Variants in PHTF2 observed in about 807,000 individuals in gnomAD.
PHTF2 encodes the protein protein PHTF2.
Under a neutral mutation model 101.2 loss-of-function variants are expected in PHTF2, and 60 were observed. The ratio of observed to expected loss-of-function variants is 0.59; its 90% CI spans 0.48 to 0.73. The LOEUF (loss-of-function observed/expected upper bound fraction) is 0.73, where lower values mean the gene tolerates loss of function less well. Ranked by LOEUF, PHTF2 falls within the 30% of genes least tolerant of loss-of-function variation. The probability of loss-of-function intolerance (pLI) is 0.00; values close to 1 mark genes in which losing one functional copy is unlikely to be tolerated. For missense variants in PHTF2, 747 were observed against 908.7 expected, an observed-to-expected ratio of 0.82 and a Z score of 2.29; for synonymous variants, 311 against 307.3, an observed-to-expected ratio of 1.01 and a Z score of -0.13.
intron 1 of PHTF2, among the ~76,000 whole-genome samples, chr7:77,811,157 C>A (rs2150487493): frequency 1.3e-5 from 2 of 152,370 alleles, no homozygotes; most frequent in African/African-American, 4.8e-5. Flanking sequence ...CTGCCTCAGC[C>A]TCCCAAAGTG....
At chr7:77,854,306 GTC>G (rs1404636226) in intron 2 of PHTF2, among the ~76,000 whole-genome samples, 3 of 152,278 alleles carry the variant, frequency 2.0e-5, no homozygotes, top group South Asian at 4.1e-4. Context: ...AACAAATGGA[GTC>G]TCTCTGTCTG....
intron 1 of PHTF2, 151 bp from the exon 2 acceptor site, chr7:77,840,070 T>C: frequency 2.4e-6 from 1 of 408,664 alleles, no homozygotes; most frequent in Non-Finnish European, 4.4e-6. Flanking sequence ...GAGAACCTGT[T>C]GCTAAAATAG....
intron 7 of PHTF2, chr7:77,906,178 G>C (rs1231242664): frequency 6.6e-6 from 1 of 152,176 alleles, no homozygotes; most frequent in Non-Finnish European, 1.5e-5. Flanking sequence ...AGCAGAGATG[G>C]GGTTTCTCCA....
chr7:77,913,678 G>A (rs989211478), intron 9 of PHTF2, among the ~76,000 whole-genome samples: 1 of 151,970 alleles, frequency 6.6e-6, no homozygotes, highest in African/African-American at 2.4e-5. Context: ...CAAACTCGTG[G>A]GCTCAAGCAA....
intron 1 of PHTF2, among the ~76,000 whole-genome samples, chr7:77,833,796 A>G (rs918260967): frequency 2.0e-5 from 3 of 152,220 alleles, no homozygotes; most frequent in African/African-American, 4.8e-5. Context: ...ACTGCACTTC[A>G]GTCTGGGTGA....
chr7:77,817,273 A>G lies in PHTF2; in HGVS notation c.-36+18302A>G, dbSNP rs556639697. On this transcript the variant is annotated intron_variant, in intron 1 of 19. Transcript: ENST00000416283. ...ACAGTAGCCATTTTAAGTTGATGAG[A>G]TGGTATCTCATTATGGTTTTGATTT... Among the ~76,000 whole-genome samples the G allele has an allele frequency of 4.6e-5, 7 of 152,132 alleles. No individual in the cohort carries two copies. In the South Asian group the frequency reaches 1.5e-3, roughly 32 times the overall value.
At position 77,920,597 on chromosome 7, in the gene PHTF2, A is replaced by C. The variant is rs1404213809; in HGVS notation, c.963+132A>C. The C allele has an allele frequency of 2.4e-5, 16 of 664,310 alleles. No individual in the cohort carries two copies. The Middle Eastern group carries it at 1.1e-3, about 44-fold the overall frequency. 41.2% of individuals were successfully genotyped at this position (664,310 alleles called of 1,614,324 possible). On this transcript the variant is annotated intron_variant, in intron 10 of 19. Transcript: ENST00000416283. ...AATTCTGTGAGCGTTTATAACACTG[A>C]TGAAACTGTAAATGAGATAAAGTGT...
chr7:77,857,570 A>G (rs1388852652), intron 3 of PHTF2, among the ~76,000 whole-genome samples: 1 of 152,236 alleles, frequency 6.6e-6, no homozygotes. Context: ...TGAAATATAA[A>G]TCAGCCTGAT....
intron 9 of PHTF2, among the ~76,000 whole-genome samples, chr7:77,911,645 A>G (rs1802408566): frequency 6.6e-6 from 1 of 152,226 alleles, no homozygotes. Context: ...ATCATGCATT[A>G]CAGAACTAAG....
At chr7:77,873,270 G>A (rs1798668569) in intron 3 of PHTF2, among the ~76,000 whole-genome samples, 1 of 152,134 alleles carries the variant, frequency 6.6e-6, no homozygotes, top group Non-Finnish European at 1.5e-5. Flanking sequence ...TAAATGCAGA[G>A]TCCCTACTTA....
chr7:77,824,791 G>T (rs1794577988), intron 1 of PHTF2, among the ~76,000 whole-genome samples: 1 of 152,060 alleles, frequency 6.6e-6, no homozygotes, highest in Admixed American at 6.5e-5. Flanking sequence ...CTAACATTTT[G>T]GGCTGCCAAG....
At chr7:77,844,528 G>T (rs552671914) in intron 2 of PHTF2, among the ~76,000 whole-genome samples, 4 of 152,116 alleles carry the variant, frequency 2.6e-5, no homozygotes, top group Non-Finnish European at 5.9e-5. Context: ...TTATTCTTTT[G>T]TTTTGTTTTT....
intron 1 of PHTF2, among the ~76,000 whole-genome samples, chr7:77,812,203 A>T (rs1271848379): frequency 6.6e-6 from 1 of 152,238 alleles, no homozygotes; most frequent in Non-Finnish European, 1.5e-5. Flanking sequence ...TAATGACAAC[A>T]TATGCTGATT....
At chr7:77,952,657 G>A (rs551033293) in intron 18 of PHTF2, among the ~76,000 whole-genome samples, 144 of 152,350 alleles carry the variant, frequency 9.5e-4, no homozygotes, top group African/African-American at 3.3e-3. Flanking sequence ...TATCTTCAGA[G>A]TGTAGGCACT....
chr7:77,930,901 A>G (rs974124669), intron 12 of PHTF2, among the ~76,000 whole-genome samples: 1 of 152,136 alleles, frequency 6.6e-6, no homozygotes, highest in Non-Finnish European at 1.5e-5. Context: ...AACAACAGGG[A>G]TCTTTCCCTA....
chr7:77,871,579 C>G (rs1798522825), intron 3 of PHTF2, among the ~76,000 whole-genome samples: 1 of 152,126 alleles, frequency 6.6e-6, no homozygotes, highest in African/African-American at 2.4e-5. Context: ...CCAATTCTAC[C>G]CCTTGATTCC....
At chr7:77,848,337 G>T (rs1562871263) in intron 2 of PHTF2, among the ~76,000 whole-genome samples, 1 of 152,142 alleles carries the variant, frequency 6.6e-6, no homozygotes, top group Non-Finnish European at 1.5e-5. Flanking sequence ...GATGTACAGG[G>T]ATTCCCATTT....
intron 1 of PHTF2, among the ~76,000 whole-genome samples, chr7:77,839,067 C>T (rs148000039): frequency 4.2e-4 from 64 of 152,234 alleles, no homozygotes; most frequent in Non-Finnish European, 7.5e-4. Context: ...ATAAAACCTC[C>T]GGTACTTTGT....
At chr7:77,947,082 C>T (rs1806110773) in intron 16 of PHTF2, among the ~76,000 whole-genome samples, 1 of 152,008 alleles carries the variant, frequency 6.6e-6, no homozygotes, top group African/African-American at 2.4e-5. Flanking sequence ...GATTGTGCCA[C>T]TGCACTCCAG....
Sources: gnomAD v4.1 joint callset for allele counts (sites outside exome capture counted in the v4.1 genomes callset) on GRCh38, gnomAD v4.1.1 for gene constraint, MANE v1.5 for transcripts, NCBI Gene and HGNC (gene_info 2026-07-23, HGNC 2026-07-21) for gene names.